The following PRIM2 variants were observed in gnomAD, a reference collection of about 807,000 sequenced individuals.
The protein encoded by PRIM2 is DNA primase large subunit.
In PRIM2, 39 loss-of-function variants were observed where a neutral mutation model predicts 67.3. The observed-to-expected ratio is 0.58, with a 90% CI of 0.45 to 0.76. The LOEUF (loss-of-function observed/expected upper bound fraction) is 0.76, where lower values mean the gene tolerates loss of function less well. Ranked by LOEUF, PRIM2 falls within the 30% of genes least tolerant of loss-of-function variation. The probability of loss-of-function intolerance (pLI) is 0.00; values close to 1 mark genes in which losing one functional copy is unlikely to be tolerated. For synonymous variants in PRIM2, 143 were observed against 198.7 expected (o/e 0.72, Z 2.36); for missense variants, 398 against 598.7 (o/e 0.66, Z 3.50).
At chr6:57,307,607 G>A in the PRIM2 span, among the ~76,000 whole-genome samples, 1 of 152,088 alleles carries the variant, frequency 6.6e-6, no homozygotes, top group Non-Finnish European at 1.5e-5. Flanking sequence ...GATAGATAGG[G>A]CAATTAATCA....
chr6:57,348,086 T>G (rs1768735025), intron 5 of PRIM2, among the ~76,000 whole-genome samples: 2 of 152,068 alleles, frequency 1.3e-5, no homozygotes, highest in African/African-American at 2.4e-5. Context: ...CCAAATATAT[T>G]AAATATACCA....
chr6:57,297,190 C>T, the PRIM2 span, among the ~76,000 whole-genome samples: 1 of 151,964 alleles, frequency 6.6e-6, no homozygotes, highest in Admixed American at 6.6e-5. Flanking sequence ...GCCTGTAATC[C>T]CAGCACTTTG....
chr6:57,520,051 A>G (rs1774579462), intron 8 of PRIM2, among the ~76,000 whole-genome samples: 1 of 152,160 alleles, frequency 6.6e-6, no homozygotes, highest in African/African-American at 2.4e-5. Context: ...ACCCTTAAAC[A>G]TTATGAGGCA....
chr6:57,642,856 A>T (rs1777271048), intron 13 of PRIM2, among the ~76,000 whole-genome samples: 2 of 152,198 alleles, frequency 1.3e-5, no homozygotes, highest in Non-Finnish European at 2.9e-5. Context: ...TTTATAAACT[A>T]TACCCATAAT....
intron 7 of PRIM2, among the ~76,000 whole-genome samples, chr6:57,496,229 G>A (rs1486865695): frequency 2.0e-5 from 3 of 152,164 alleles, no homozygotes; most frequent in African/African-American, 7.2e-5. Flanking sequence ...AATAAAGAAT[G>A]TATTTAAGTG....
intron 12 of PRIM2, among the ~76,000 whole-genome samples, chr6:57,610,908 A>G (rs1776655464): frequency 6.6e-6 from 1 of 152,222 alleles, no homozygotes; most frequent in Non-Finnish European, 1.5e-5. Flanking sequence ...GAGACATGAA[A>G]TAGTAACCCA....
intron 7 of PRIM2, among the ~76,000 whole-genome samples, chr6:57,432,122 G>T (rs1463343461): frequency 5.9e-5 from 9 of 152,104 alleles, no homozygotes; most frequent in East Asian, 1.9e-4. Flanking sequence ...GGCATTTGAG[G>T]TTTCTTTTTG....
the PRIM2 span, among the ~76,000 whole-genome samples, chr6:57,290,195 G>T: frequency 6.7e-6 from 1 of 150,282 alleles, no homozygotes; most frequent in Admixed American, 6.6e-5. Flanking sequence ...TAAATCCACT[G>T]CAGTCTCTGA....
chr6:57,454,022 T>C (rs1772659995), intron 7 of PRIM2, among the ~76,000 whole-genome samples: 1 of 152,226 alleles, frequency 6.6e-6, no homozygotes, highest in Non-Finnish European at 1.5e-5. Context: ...GTCAAAGGCC[T>C]TTTCTGCATC....
At position 57,642,435 on chromosome 6, in the gene PRIM2, C is replaced by CTTTTTTTTTTTT. The variant is rs1156576933; in HGVS notation, c.1300-3479_1300-3468dup. 2.8e-3 allele frequency among the ~76,000 whole-genome samples: 230 copies of CTTTTTTTTTTTT among 83,158 alleles called. 7 individuals are homozygous for CTTTTTTTTTTTT. The highest frequency in any genetic ancestry group is 3.2e-3 in the Non-Finnish European group (151 of 47,396). The allele number at this position is 83,158 out of a possible 152,430, so 54.6% of individuals were successfully genotyped here. On this transcript the variant is annotated intron_variant, in intron 13 of 13. Transcript: ENST00000615550. ...TATGCACATACCTTAAATATTATAT[C>CTTTTTTTTTTTT]TTTTTTTTTTTTTTTTTTTTTTTTT...
chr6:57,490,139 A>G (rs2127409611), intron 7 of PRIM2, among the ~76,000 whole-genome samples: 2 of 152,238 alleles, frequency 1.3e-5, no homozygotes, highest in South Asian at 4.1e-4. Context: ...GAGCATGCAG[A>G]TTATACCCTA....
chr6:57,499,241 G>A (rs1448894505), intron 7 of PRIM2, among the ~76,000 whole-genome samples: 1 of 152,304 alleles, frequency 6.6e-6, no homozygotes, highest in African/African-American at 2.4e-5. Context: ...GCACATGCCC[G>A]ACAGATATCT....
intron 10 of PRIM2, among the ~76,000 whole-genome samples, chr6:57,573,847 A>C (rs1392353646): frequency 2.0e-5 from 3 of 152,242 alleles, no homozygotes; most frequent in Non-Finnish European, 4.4e-5. Flanking sequence ...TTGGTGCTAG[A>C]GACAAGTTGT....
Position 57,565,584 on chromosome 6 carries a change from A to T in PRIM2, c.1020+27959A>T, listed in dbSNP as rs1161443406. Among the ~76,000 whole-genome samples the T allele has an allele frequency of 2.7e-4, 41 of 152,266 alleles. No homozygotes were observed. The East Asian group carries it at 6.6e-3, about 24-fold the overall frequency. On this transcript the variant is annotated intron_variant, in intron 10 of 13. Coordinates refer to ENST00000615550, the MANE Select transcript of PRIM2 (RefSeq NM_000947.5). ...GAATTCTCCCTTCACCTTTTGTTCT[A>T]TTCAGGCTCTCATCAAATTGGGTGC... is the stretch of plus-strand genomic sequence containing the variant.
In PRIM2 at chr6:57,446,289, G is replaced by T. The variant is rs7750044; in HGVS notation, c.694-61098G>T. ...AGGATCATGAGTAACTGTTTTTTTT[G>T]TTTTTTTTTTTTTTAGAAGTAATAG... On this transcript the variant is annotated intron_variant, in intron 7 of 13. Transcript: ENST00000615550. Among the ~76,000 whole-genome samples, 902 of 139,516 alleles carry T rather than the reference G, an allele frequency of 6.5e-3. 11 individuals carry two copies. Among genetic ancestry groups the T allele is most frequent in the African/African-American group, 0.02 (726 of 36,822 alleles). 91.5% of individuals were successfully genotyped at this position (139,516 alleles called of 152,430 possible).
chr6:57,573,862 A>G lies in PRIM2; in HGVS notation c.1021-27231A>G, dbSNP rs1440300281. 6.6e-5 allele frequency among the ~76,000 whole-genome samples: 10 copies of G among 152,338 alleles called. No individual in the cohort carries two copies. The East Asian group carries it at 1.9e-3, about 29-fold the overall frequency. On this transcript the variant is annotated intron_variant, in intron 10 of 13. Coordinates refer to ENST00000615550, the MANE Select transcript of PRIM2 (RefSeq NM_000947.5). ...TTGGTGCTAGAGACAAGTTGTAACG[A>G]ATTAAGCCCAAAATTGAACTTCAGG...
chr6:57,320,939 T>A lies in PRIM2; in HGVS notation c.258+379T>A, dbSNP rs374376476. Among the ~76,000 whole-genome samples, 46 of 152,304 alleles carry A rather than the reference T, an allele frequency of 3.0e-4. No homozygotes were observed. The East Asian group carries it at 4.8e-3, about 16-fold the overall frequency. On this transcript the variant is annotated intron_variant, in intron 3 of 13. Coordinates refer to ENST00000615550, the MANE Select transcript of PRIM2 (RefSeq NM_000947.5). Reference sequence around the variant, plus strand: ...GCATGCTCCAGGAACTCCAAAAACATACATAATTATGCAGCTCAGATTGGG... The same window carrying A: ...GCATGCTCCAGGAACTCCAAAAACAAACATAATTATGCAGCTCAGATTGGG...
chr6:57,258,559 A>G, the PRIM2 span, among the ~76,000 whole-genome samples: 2 of 152,240 alleles, frequency 1.3e-5, no homozygotes, highest in African/African-American at 2.4e-5. Flanking sequence ...GTGGTTGCAC[A>G]GTGAGGGCCC....
rs1213180659 is a variant in PRIM2, at chr6:57,488,979, G to C, written c.694-18408G>C. Reference sequence around the variant, plus strand: ...AAACCTCCAGCCCAGAACAGGGAAAGATAGTCCCTAAGAGATATGCGCAGC... The same window carrying C: ...AAACCTCCAGCCCAGAACAGGGAAACATAGTCCCTAAGAGATATGCGCAGC... On this transcript the variant is annotated intron_variant, in intron 7 of 13. Coordinates refer to ENST00000615550, the MANE Select transcript of PRIM2 (RefSeq NM_000947.5). 1.3e-3 allele frequency among the ~76,000 whole-genome samples: 191 copies of C among 152,326 alleles called. 5 individuals carry two copies. The East Asian group carries it at 0.016, about 13-fold the overall frequency.
Sources: allele counts gnomAD v4.1 joint callset (sites outside exome capture counted in the v4.1 genomes callset), GRCh38; gene constraint gnomAD v4.1.1; transcripts MANE v1.5; gene names NCBI Gene and HGNC (gene_info 2026-07-23, HGNC 2026-07-21).